The following DNAH11 variants were observed in gnomAD, a reference collection of about 807,000 sequenced individuals.
DNAH11 encodes axonemal beta dynein heavy chain 11.
In DNAH11, 442 loss-of-function variants were observed where a neutral mutation model predicts 526.0. The observed-to-expected ratio is 0.84, with a 90% confidence interval of 0.78 to 0.91. The LOEUF is 0.91. Among genes scored for constraint, DNAH11 ranks in the 40% least tolerant of loss-of-function variants. The pLI, the probability that DNAH11 is intolerant of heterozygous loss-of-function variation, is 0.00. For synonymous variants in DNAH11, 2,461 were observed against 1,935.9 expected (o/e 1.27, Z -7.12); for missense variants, 6,989 against 5,448.7 (o/e 1.28, Z -8.90).
Position 21,632,814 on chromosome 7 carries a change from A to G in DNAH11, c.4501-3057A>G, listed in dbSNP as rs565900015. Among the ~76,000 whole-genome samples the G allele has an allele frequency of 4.6e-5, 7 of 152,308 alleles. No individual in the cohort carries two copies. In the East Asian group the frequency reaches 1.2e-3, roughly 25 times the overall value. On this transcript the variant is annotated intron_variant, in intron 25 of 81. Coordinates refer to ENST00000409508, the MANE Select transcript of DNAH11 (RefSeq NM_001277115.2). ...CTGTTCCAACCTCTGCCTGTTACCC[A>G]GTTCCAAAGTTGCTTCCACATTTTC...
intron 55 of DNAH11, among the ~76,000 whole-genome samples, chr7:21,771,588 G>A (rs113619444): frequency 6.6e-6 from 1 of 152,292 alleles, no homozygotes; most frequent in Middle Eastern, 3.4e-3. Context: ...AGACAGCATC[G>A]TTTTCCAGAG....
intron 53 of DNAH11, 72 bp downstream of exon 53, chr7:21,749,873 AAG>A (rs1233394782): frequency 6.7e-5 from 106 of 1,593,252 alleles, no homozygotes; most frequent in Non-Finnish European, 9.0e-5. Flanking sequence ...GTGAACTTTA[AAG>A]AGAGAGAATT....
Position 21,702,806 on chromosome 7 carries a change from C to G in DNAH11, c.6273+4C>G. 1 of 1,610,554 alleles carries G rather than the reference C, an allele frequency of 6.2e-7. No homozygotes were observed. Among genetic ancestry groups the G allele is most frequent in the South Asian group, 1.1e-5 (1 of 90,518 alleles). On this transcript the variant is annotated splice_donor_region_variant and intron_variant, in intron 37 of 81. Coordinates refer to ENST00000409508, the MANE Select transcript of DNAH11 (RefSeq NM_001277115.2). ...TAAAAATAGACCCGAAGATCAGGTA[C>G]TGCAATGCTAATATGATTTTGTTGA...
intron 18 of DNAH11, among the ~76,000 whole-genome samples, chr7:21,604,694 A>G (rs35349017): frequency 6.6e-6 from 1 of 152,208 alleles, no homozygotes; most frequent in East Asian, 1.9e-4. Flanking sequence ...ATTTTTACCA[A>G]GTAAAAACTT....
chr7:21,899,610 G>A (rs1212441483), intron 80 of DNAH11, among the ~76,000 whole-genome samples, 162 bp downstream of exon 80: 1 of 152,192 alleles, frequency 6.6e-6, no homozygotes, highest in Admixed American at 6.5e-5. Context: ...ACAGAGTCCT[G>A]GGCAGGCGAG....
Position 21,570,388 on chromosome 7 carries a change from T to A in DNAH11, c.1425+89T>A, listed in dbSNP as rs1307605292. Reference sequence around the variant, plus strand: ...ACATGATTCATGGAACAGTTTACTTTATATCATAGGTGGAGGTCTCCTTTC... The same window carrying A: ...ACATGATTCATGGAACAGTTTACTTAATATCATAGGTGGAGGTCTCCTTTC... On this transcript the variant is annotated intron_variant, in intron 7 of 81. Transcript: ENST00000409508. 2.8e-6 allele frequency: 3 copies of A among 1,076,016 alleles called. No individual in the cohort carries two copies. In the African/African-American group the frequency reaches 4.8e-5, roughly 17 times the overall value. 66.7% of individuals were successfully genotyped at this position (1,076,016 alleles called of 1,614,324 possible).
intron 31 of DNAH11, among the ~76,000 whole-genome samples, chr7:21,682,465 G>A (rs892964766): frequency 2.0e-5 from 3 of 148,660 alleles, no homozygotes; most frequent in Admixed American, 1.4e-4. Context: ...GGCAGAGGTT[G>A]CAGTGAGCCG....
At chr7:21,777,836 G>C (rs2127981853) in intron 56 of DNAH11, among the ~76,000 whole-genome samples, 2 of 152,290 alleles carry the variant, frequency 1.3e-5, no homozygotes, top group East Asian at 3.9e-4. Flanking sequence ...TTTAGATAGA[G>C]TGTGAATATA....
intron 20 of DNAH11, among the ~76,000 whole-genome samples, chr7:21,611,240 C>G (rs1785511513): frequency 6.6e-6 from 1 of 152,076 alleles, no homozygotes; most frequent in South Asian, 2.1e-4. Context: ...TTCCAGTGTC[C>G]CTGGACTTTG....
chr7:21,802,453 T>A (rs1047811094), intron 62 of DNAH11, among the ~76,000 whole-genome samples: 6 of 152,152 alleles, frequency 3.9e-5, no homozygotes, highest in East Asian at 3.9e-4. Flanking sequence ...CATGATACAA[T>A]CATCTACTCA....
chr7:21,648,863 T>C lies in DNAH11; in HGVS notation c.4945-6969T>C, dbSNP rs575636306. On this transcript the variant is annotated intron_variant, in intron 28 of 81. Coordinates refer to ENST00000409508, the MANE Select transcript of DNAH11 (RefSeq NM_001277115.2). The stretch of plus-strand genomic sequence containing the variant: ...ACAAGTACTAATCCAAGTTTTTGTT[T>C]TCTTTATTTCTTTAATTTTTTTCCC... 2.0e-5 allele frequency among the ~76,000 whole-genome samples: 3 copies of C among 152,276 alleles called. No individual in the cohort carries two copies. The East Asian group carries it at 5.8e-4, about 29-fold the overall frequency.
intron 55 of DNAH11, among the ~76,000 whole-genome samples, chr7:21,768,672 G>A (rs747332615): frequency 1.3e-5 from 2 of 152,202 alleles, no homozygotes; most frequent in African/African-American, 4.8e-5. Flanking sequence ...CTCTTCAATT[G>A]TTGCAGTTTG....
intron 55 of DNAH11, among the ~76,000 whole-genome samples, chr7:21,768,996 T>G (rs1169963170): frequency 5.3e-5 from 8 of 152,256 alleles, no homozygotes; most frequent in African/African-American, 1.7e-4. Context: ...AGTATAATAA[T>G]TTTAAAAAAG....
Position 21,894,674 on chromosome 7 carries a change from A to G in DNAH11, c.12802A>G (p.Met4268Val), listed in dbSNP as rs533180217. 7 of 1,614,032 alleles carry G rather than the reference A, an allele frequency of 4.3e-6. No homozygotes were observed. The highest frequency in any genetic ancestry group is 1.3e-5 in the African/African-American group (1 of 75,076). Residue 4268 changes from methionine to valine, a missense_variant, in exon 78 of 82, where the codon ATG (methionine) becomes GTG (valine). Met to Val is a conservative substitution (Grantham distance 21, BLOSUM62 1). Coordinates refer to ENST00000409508, the MANE Select transcript of DNAH11 (RefSeq NM_001277115.2). ...GGAGAAACTTCCAGAAGAGTTCAAC[A>G]TGGCAGAGATAATGCAAAAAAATTC... ...ILEKLPEEFN[M>V]AEIMQKNSNR...
intron 63 of DNAH11, among the ~76,000 whole-genome samples, chr7:21,813,538 C>A (rs1164461480): frequency 1.3e-5 from 2 of 152,186 alleles, no homozygotes; most frequent in African/African-American, 4.8e-5. Flanking sequence ...AGTATTACCT[C>A]CACAGGAAAT....
At position 21,725,931 on chromosome 7, in the gene DNAH11, C is replaced by T. The variant is rs570296755; in HGVS notation, c.7387C>T (p.Pro2463Ser). 3.2e-6 allele frequency: 5 copies of T among 1,567,224 alleles called. No homozygotes were observed. Among genetic ancestry groups the T allele is most frequent in the East Asian group, 2.3e-5 (1 of 42,740 alleles). ...YVDHKTKKLL[P>S]WADKIAQFTM... ...GGACCACAAAACTAAGAAATTATTG[C>T]CCTGGGCTGACAAAATTGCCCAGTT... Residue 2463 changes from proline to serine, a missense_variant, in exon 45 of 82, where the codon CCC (proline) becomes TCC (serine). By Grantham distance (74) the Pro-to-Ser change is moderately conservative (BLOSUM62 -1). Transcript: ENST00000409508.
Position 21,588,499 on chromosome 7 carries a change from T to A in DNAH11, c.1849-13T>A. 6.2e-7 allele frequency: 1 copy of A among 1,612,624 alleles called. No homozygotes were observed. The highest frequency in any genetic ancestry group is 8.5e-7 in the Non-Finnish European group (1 of 1,179,032). ...TTCCCTTTCTTCCTCTTCACCAAAATATCAACTTGCAGATTGAATGTGGTC... is the reference window on the plus strand; with the variant it reads ...TTCCCTTTCTTCCTCTTCACCAAAAAATCAACTTGCAGATTGAATGTGGTC... On this transcript the variant is annotated splice_polypyrimidine_tract_variant and intron_variant, in intron 10 of 81. Coordinates refer to ENST00000409508, the MANE Select transcript of DNAH11 (RefSeq NM_001277115.2).
intron 14 of DNAH11, among the ~76,000 whole-genome samples, chr7:21,592,019 A>C (rs985033195): frequency 6.6e-6 from 1 of 152,168 alleles, no homozygotes; most frequent in Non-Finnish European, 1.5e-5. Context: ...TAAAACAGTA[A>C]CAGGCACTCA....
intron 69 of DNAH11, among the ~76,000 whole-genome samples, chr7:21,863,029 A>C (rs967461022): frequency 1.2e-4 from 17 of 143,644 alleles, no homozygotes; most frequent in African/African-American, 4.4e-4. Context: ...ACGCCACTGC[A>C]CTCCAGCCTG....
Sources: gnomAD v4.1 joint callset for allele counts (sites outside exome capture counted in the v4.1 genomes callset) on GRCh38, gnomAD v4.1.1 for gene constraint, MANE v1.5 for transcripts, NCBI Gene and HGNC (gene_info 2026-07-23, HGNC 2026-07-21) for gene names.